The following ANKRD28 variants were observed in gnomAD, a reference collection of about 807,000 sequenced individuals.
The protein encoded by ANKRD28 is serine/threonine-protein phosphatase 6 regulatory ankyrin repeat subunit A.
A neutral mutation model predicts 126.5 loss-of-function variants in ANKRD28; 44 were observed. The observed-to-expected ratio is 0.35, with a 90% confidence interval of 0.27 to 0.45. ANKRD28 has a LOEUF of 0.45. Ranked by LOEUF, ANKRD28 falls within the 20% of genes least tolerant of loss-of-function variation. ANKRD28 has a pLI of 1.00. For synonymous variants in ANKRD28, 442 were observed against 468.5 expected, an observed-to-expected ratio of 0.94 and a Z score of 0.73; for missense variants, 1,110 against 1,316.6, an observed-to-expected ratio of 0.84 and a Z score of 2.43.
intron 3 of ANKRD28, among the ~76,000 whole-genome samples, chr3:15,765,302 A>C (rs1156997615): frequency 6.6e-6 from 1 of 152,218 alleles, no homozygotes; most frequent in Non-Finnish European, 1.5e-5. Context: ...TAAATAGTTT[A>C]GAAAAAATAA....
Position 15,788,198 on chromosome 3 carries a change from A to G in ANKRD28, c.201+7025T>C, listed in dbSNP as rs148720894. 4.3e-3 allele frequency among the ~76,000 whole-genome samples: 648 copies of G among 152,284 alleles called. 5 individuals are homozygous for G. The highest frequency in any genetic ancestry group is 0.02 in the East Asian group (102 of 5,188). On this transcript the variant is annotated intron_variant, in intron 2 of 27. Transcript: ENST00000683139. ...TTATTTGTCTCATCACTTGTTTGCA[A>G]TGATAAAATGTAACAGCACTTGGTA...
chr3:15,709,711 G>C lies in ANKRD28; in HGVS notation c.1363C>G (p.Leu455Val), dbSNP rs750271173. 129 of 1,580,236 alleles carry C rather than the reference G, an allele frequency of 8.2e-5. 1 individual carries two copies. Among genetic ancestry groups the C allele is most frequent in the Non-Finnish European group, 1.1e-4 (123 of 1,161,332 alleles). Reference sequence around the variant, plus strand: ...TTATTAAAGTCTGCACCAGTATTCAGCAGAAGGTTTAGGCACTCCAAATTC... The same window carrying C: ...TTATTAAAGTCTGCACCAGTATTCACCAGAAGGTTTAGGCACTCCAAATTC... ...GGNLECLNLL[L>V]NTGADFNKKD... The change falls in exon 13 of 28, where the codon CTG (leucine) becomes GTG (valine). Residue 455 changes from leucine (L) to valine (V), a missense_variant. Transcript: ENST00000683139.
intron 1 of ANKRD28, among the ~76,000 whole-genome samples, chr3:15,808,493 C>T (rs1488236672): frequency 6.6e-6 from 1 of 152,186 alleles, no homozygotes; most frequent in Non-Finnish European, 1.5e-5. Flanking sequence ...AACTTTTTCT[C>T]TATGATCTTT....
intron 26 of ANKRD28, 89 bp from the exon 27 acceptor site, chr3:15,676,078 A>G: frequency 8.9e-7 from 1 of 1,119,826 alleles, no homozygotes; most frequent in Non-Finnish European, 1.3e-6. Context: ...CATTTTTGTC[A>G]ACTTGTGAAG....
At chr3:15,766,419 A>T in intron 2 of ANKRD28, 107 bp from the exon 3 acceptor site, 1 of 746,926 alleles carries the variant, frequency 1.3e-6, no homozygotes, top group Non-Finnish European at 2.2e-6. Flanking sequence ...ACCATTATTA[A>T]CTATCAACTT....
In ANKRD28 at chr3:15,715,838, C is replaced by T. The variant is rs574440875; in HGVS notation, c.997-1182G>A. ...GCTTCTCAGGATATATTTGTTTTACCATTATTTTTCATGTACCAGTTGTTA... is the reference window on the plus strand; with the variant it reads ...GCTTCTCAGGATATATTTGTTTTACTATTATTTTTCATGTACCAGTTGTTA... On this transcript the variant is annotated intron_variant, in intron 8 of 27. Transcript: ENST00000683139. 4.0e-5 allele frequency among the ~76,000 whole-genome samples: 6 copies of T among 151,430 alleles called. No individual in the cohort carries two copies. The East Asian group carries it at 1.2e-3, about 29-fold the overall frequency.
At chr3:15,709,580 G>T in intron 13 of ANKRD28, 88 bp downstream of exon 13, 1 of 854,278 alleles carries the variant, frequency 1.2e-6, no homozygotes, top group Non-Finnish European at 1.9e-6. Context: ...ATGCTAAATT[G>T]TTCAGTTAAT....
At chr3:15,691,078 C>T (rs967294313) in intron 17 of ANKRD28, among the ~76,000 whole-genome samples, 1 of 151,912 alleles carries the variant, frequency 6.6e-6, no homozygotes, top group African/African-American at 2.4e-5. Flanking sequence ...CAGGCATTGT[C>T]CTAGCTGTAC....
In ANKRD28 at chr3:15,833,837, A is replaced by G. The variant is rs1196348804; in HGVS notation, c.27+25540T>C. Among the ~76,000 whole-genome samples, 1 of 152,070 alleles carries G rather than the reference A, an allele frequency of 6.6e-6. No homozygotes were observed. The highest frequency in any genetic ancestry group is 1.5e-5 in the Non-Finnish European group (1 of 68,006). ...AAGTGGATTAATTTGTATTTCTTTT[A>G]TGACTAATGATGTTGAGGATTTTTT... is the stretch of plus-strand genomic sequence containing the variant. On this transcript the variant is annotated intron_variant, in intron 1 of 27. Transcript: ENST00000399451. The surrounding 1 kb of genome is among the most constrained non-coding windows in gnomAD (Gnocchi z 4.4).
chr3:15,836,342 T>C (rs2061325673), intron 1 of ANKRD28, among the ~76,000 whole-genome samples: 1 of 151,986 alleles, frequency 6.6e-6, no homozygotes, highest in African/African-American at 2.4e-5. Flanking sequence ...TGAGGTAGAC[T>C]GTGATGGAAC....
chr3:15,736,944 G>T, intron 5 of ANKRD28, 89 bp downstream of exon 5: 1 of 1,286,232 alleles, frequency 7.8e-7, no homozygotes, highest in Non-Finnish European at 1.1e-6. Flanking sequence ...AGTTCTGTAT[G>T]CCTTTACTAT....
intron 18 of ANKRD28, 189 bp downstream of exon 18, chr3:15,689,830 A>G (rs369597442): frequency 6.9e-6 from 4 of 579,816 alleles, no homozygotes; most frequent in East Asian, 2.9e-5. Flanking sequence ...ATGTTTATGA[A>G]TGACGGAGGC....
At chr3:15,680,350 C>A (rs1196634709) in intron 21 of ANKRD28, among the ~76,000 whole-genome samples, 2 of 151,824 alleles carry the variant, frequency 1.3e-5, no homozygotes, top group Non-Finnish European at 2.9e-5. Flanking sequence ...ACTACAGGCG[C>A]CCACCACCAT....
At chr3:15,777,488 C>T (rs1279195766) in intron 2 of ANKRD28, among the ~76,000 whole-genome samples, 1 of 152,044 alleles carries the variant, frequency 6.6e-6, no homozygotes, top group African/African-American at 2.4e-5. Flanking sequence ...ACCCCAAACC[C>T]TCACTGTACA....
intron 1 of ANKRD28, among the ~76,000 whole-genome samples, chr3:15,825,931 C>A (rs564130748): frequency 6.6e-6 from 1 of 152,192 alleles, no homozygotes; most frequent in East Asian, 1.9e-4. Context: ...GAAAGTCAAA[C>A]TAAAATAATT....
At chr3:15,792,982 A>G (rs1316258780) in intron 2 of ANKRD28, among the ~76,000 whole-genome samples, 4 of 152,196 alleles carry the variant, frequency 2.6e-5, no homozygotes, top group Non-Finnish European at 5.9e-5. Context: ...AAATTATACA[A>G]TGACTATTTA....
intron 7 of ANKRD28, 142 bp downstream of exon 7, chr3:15,724,240 T>C: frequency 1.5e-6 from 1 of 688,146 alleles, no homozygotes; most frequent in Non-Finnish European, 2.3e-6. Flanking sequence ...CACTAGATAT[T>C]ATGTAAAGGA....
intron 1 of ANKRD28, among the ~76,000 whole-genome samples, chr3:15,858,939 A>T (rs1470837502): frequency 6.6e-6 from 1 of 152,232 alleles, no homozygotes; most frequent in Non-Finnish European, 1.5e-5. Flanking sequence ...AATTGCCTTT[A>T]ACCCGGAGAG....
intron 1 of ANKRD28, among the ~76,000 whole-genome samples, chr3:15,808,202 T>C (rs1300245122): frequency 6.6e-6 from 1 of 152,140 alleles, no homozygotes; most frequent in Non-Finnish European, 1.5e-5. Context: ...AGGAAGCAAA[T>C]GGGGTTTTTG....
Sources: gnomAD v4.1 joint callset for allele counts (sites outside exome capture counted in the v4.1 genomes callset) on GRCh38, gnomAD v4.1.1 for gene constraint, Gnocchi (gnomAD v3.1) non-coding constraint, MANE v1.5 for transcripts, NCBI Gene and HGNC (gene_info 2026-07-23, HGNC 2026-07-21) for gene names.